The following TSPAN14 variants were observed in gnomAD, a reference collection of about 807,000 sequenced individuals.
TSPAN14 encodes the protein tetraspanin-14.
In TSPAN14, 16 loss-of-function variants were observed where a neutral mutation model predicts 36.6. That is an observed-to-expected ratio of 0.44 (90% CI 0.30 to 0.66). TSPAN14 has a LOEUF of 0.66. Among genes scored for constraint, TSPAN14 ranks in the 30% least tolerant of loss-of-function variants. TSPAN14 has a pLI of 0.12. For synonymous variants in TSPAN14, 139 were observed against 143.8 expected (o/e 0.97, Z 0.24); for missense variants, 231 against 355.1 (o/e 0.65, Z 2.81).
At chr10:80,497,924 C>A (rs1848282805) in intron 2 of TSPAN14, among the ~76,000 whole-genome samples, 1 of 152,184 alleles carries the variant, frequency 6.6e-6, no homozygotes. Context: ...AGCTATGTGA[C>A]CCCATGCAAG....
At chr10:80,518,389 G>T (rs1006880291) in exon 9 of TSPAN14, 5 of 220,218 alleles carry the variant, frequency 2.3e-5, no homozygotes, top group Admixed American at 5.2e-5. Context: ...GTGGGCCGTG[G>T]GTAGAGGGAC....
intron 1 of TSPAN14, chr10:80,459,651 A>C (rs1347454350): frequency 6.5e-6 from 1 of 152,850 alleles, no homozygotes. Flanking sequence ...CTGCCTGACT[A>C]TGCGTTGACA....
intron 1 of TSPAN14, among the ~76,000 whole-genome samples, chr10:80,486,807 T>C (rs1847627623): frequency 6.6e-6 from 1 of 152,248 alleles, no homozygotes; most frequent in African/African-American, 2.4e-5. Context: ...TTCTCTGTGA[T>C]AAATGTACTT....
Position 80,501,150 on chromosome 10 carries a change from G to C in TSPAN14, c.82-3578G>C, listed in dbSNP as rs147627524. ...TTTTTGGGAGACCTGGTCTTACTCT[G>C]TTACCACCCAGGCTGGAGTGCAGTG... On this transcript the variant is annotated intron_variant, in intron 2 of 8. Coordinates refer to ENST00000429989, the Ensembl canonical transcript of TSPAN14. Among the ~76,000 whole-genome samples the C allele has an allele frequency of 2.2e-3, 309 of 141,746 alleles. 2 individuals are homozygous for C. Among genetic ancestry groups the C allele is most frequent in the African/African-American group, 7.7e-3 (291 of 38,024 alleles). The allele number at this position is 141,746 out of a possible 152,430, so 93.0% of individuals were successfully genotyped here.
intron 1 of TSPAN14, among the ~76,000 whole-genome samples, chr10:80,467,582 CT>C (rs751096691): frequency 2.6e-5 from 4 of 152,194 alleles, no homozygotes; most frequent in Non-Finnish European, 4.4e-5. Context: ...TTCTATTAAT[CT>C]AACTCCACTA....
chr10:80,513,668 G>T (rs754370456), intron 6 of TSPAN14, among the ~76,000 whole-genome samples: 4 of 152,190 alleles, frequency 2.6e-5, no homozygotes, highest in Admixed American at 6.5e-5. Flanking sequence ...ATCAAAAGAA[G>T]AATAATATTT....
exon 9 of TSPAN14, chr10:80,521,690 A>C (rs1841272464): frequency 6.6e-6 from 1 of 152,134 alleles, no homozygotes; most frequent in African/African-American, 2.4e-5. Flanking sequence ...GGCTTGGCCA[A>C]TTCCTGTTCA....
chr10:80,464,589 A>T (rs1366339181), intron 1 of TSPAN14, among the ~76,000 whole-genome samples: 1 of 152,116 alleles, frequency 6.6e-6, no homozygotes, highest in African/African-American at 2.4e-5. Context: ...GGTGGGTTTG[A>T]GGCTTGTGTC....
At chr10:80,518,972 C>G (rs1394287978) in exon 9 of TSPAN14, 3 of 153,040 alleles carry the variant, frequency 2.0e-5, no homozygotes, top group Admixed American at 6.5e-5. Flanking sequence ...AAGCACTCCC[C>G]CACTCCCCAG....
At chr10:80,521,322 A>T (rs1244713745) in exon 9 of TSPAN14, 1 of 159,526 alleles carries the variant, frequency 6.3e-6, no homozygotes, top group Non-Finnish European at 1.4e-5. Flanking sequence ...TGTCATGGGA[A>T]GGTCTCCGCC....
intron 1 of TSPAN14, among the ~76,000 whole-genome samples, chr10:80,481,587 A>G (rs1017343391): frequency 1.3e-5 from 2 of 152,142 alleles, no homozygotes; most frequent in African/African-American, 2.4e-5. Flanking sequence ...AGGGAGAGGG[A>G]TTTATGGGGA....
intron 2 of TSPAN14, among the ~76,000 whole-genome samples, chr10:80,504,075 G>A (rs1840146302): frequency 6.6e-6 from 1 of 152,192 alleles, no homozygotes; most frequent in Non-Finnish European, 1.5e-5. Context: ...TCATTGCTTA[G>A]AGCAAGCCTA....
intron 1 of TSPAN14, among the ~76,000 whole-genome samples, chr10:80,476,613 T>C (rs1279300717): frequency 6.6e-6 from 1 of 151,866 alleles, no homozygotes; most frequent in Non-Finnish European, 1.5e-5. Context: ...GATGGGGTTT[T>C]ACCATGTTAG....
intron 1 of TSPAN14, among the ~76,000 whole-genome samples, chr10:80,486,240 C>A (rs1184695415): frequency 6.6e-6 from 1 of 152,236 alleles, no homozygotes; most frequent in African/African-American, 2.4e-5. Context: ...GTGGAGAATC[C>A]TTGCTCCAGA....
intron 1 of TSPAN14, among the ~76,000 whole-genome samples, chr10:80,474,318 TG>T: frequency 6.7e-6 from 1 of 150,110 alleles, no homozygotes; most frequent in South Asian, 2.1e-4. Flanking sequence ...ATATGGGTGG[TG>T]GGTGTTGTCA....
At chr10:80,465,865 C>T (rs1405821698) in intron 1 of TSPAN14, among the ~76,000 whole-genome samples, 1 of 152,200 alleles carries the variant, frequency 6.6e-6, no homozygotes, top group Non-Finnish European at 1.5e-5. Context: ...TGCTTCTTCA[C>T]ATCTGAATCT....
At chr10:80,502,036 A>G (rs1235612828) in intron 2 of TSPAN14, among the ~76,000 whole-genome samples, 1 of 152,224 alleles carries the variant, frequency 6.6e-6, no homozygotes, top group African/African-American at 2.4e-5. Flanking sequence ...AGGAGGTCAC[A>G]CATGGAGGAT....
At chr10:80,517,815 C>T in intron 8 of TSPAN14, 90 bp from the exon 9 acceptor site, 2 of 1,240,288 alleles carry the variant, frequency 1.6e-6, no homozygotes, top group Non-Finnish European at 2.3e-6. Flanking sequence ...GAGAGGCGTG[C>T]AGTGGGAGCT....
At chr10:80,455,832 G>T (rs549093467) in intron 1 of TSPAN14, among the ~76,000 whole-genome samples, 1 of 152,128 alleles carries the variant, frequency 6.6e-6, no homozygotes, top group East Asian at 1.9e-4. Context: ...TCCCACCTCA[G>T]CCTCCCAAAG....
Sources: gnomAD v4.1 joint callset for allele counts (sites outside exome capture counted in the v4.1 genomes callset) on GRCh38, gnomAD v4.1.1 for gene constraint, MANE v1.5 for transcripts, NCBI Gene and HGNC (gene_info 2026-07-23, HGNC 2026-07-21) for gene names.